FGFR2: variants seen among roughly 807,000 people sequenced by gnomAD.
FGFR2 encodes the protein fibroblast growth factor receptor 2, also known as BEK fibroblast growth factor receptor.
In FGFR2, 19 loss-of-function variants were observed where a neutral mutation model predicts 95.9. That is an observed-to-expected ratio of 0.20 (90% CI 0.14 to 0.29). FGFR2 has a LOEUF of 0.29. Among genes scored for constraint, FGFR2 ranks in the 10% least tolerant of loss-of-function variants. The pLI, the probability that FGFR2 is intolerant of heterozygous loss-of-function variation, is 1.00. For missense variants in FGFR2, 707 were observed against 1,056.9 expected (o/e 0.67, Z 4.59); for synonymous variants, 392 against 393.3 (o/e 1.00, Z 0.04).
At chr10:121,565,775 GT>G (rs758905304) in intron 2 of FGFR2, 71 bp from the exon 3 acceptor site, 2 of 1,577,562 alleles carry the variant, frequency 1.3e-6, no homozygotes, top group Non-Finnish European at 8.7e-7. Flanking sequence ...TCCAACAAAG[GT>G]CAGTGGAGGC....
intron 9 of FGFR2, among the ~76,000 whole-genome samples, chr10:121,507,708 A>G (rs1034475569): frequency 7.9e-5 from 12 of 152,206 alleles, no homozygotes; most frequent in Non-Finnish European, 1.5e-5. Context: ...AGCTCAGTTA[A>G]TGTCTGCTAC....
chr10:121,572,158 G>GAAAAAAAA (rs71022844), intron 2 of FGFR2, among the ~76,000 whole-genome samples: 1 of 105,848 alleles, frequency 9.4e-6, no homozygotes, highest in Non-Finnish European at 1.9e-5. Flanking sequence ...CACAAAAAAT[G>GAAAAAAAA]AAAAAAAAAA....
intron 9 of FGFR2, among the ~76,000 whole-genome samples, chr10:121,512,998 C>A (rs1419162854): frequency 6.6e-6 from 1 of 151,932 alleles, no homozygotes; most frequent in Non-Finnish European, 1.5e-5. Context: ...GCCTCCCAAG[C>A]AGCTGGGACT....
At chr10:121,513,035 A>G (rs1849260719) in intron 9 of FGFR2, among the ~76,000 whole-genome samples, 1 of 152,096 alleles carries the variant, frequency 6.6e-6, no homozygotes, top group Admixed American at 6.6e-5. Flanking sequence ...ACACCCAGCT[A>G]ATTTTTGTAC....
intron 6 of FGFR2, among the ~76,000 whole-genome samples, chr10:121,537,697 C>T (rs1853058383): frequency 1.7e-5 from 2 of 120,360 alleles, no homozygotes; most frequent in African/African-American, 6.6e-5. Context: ...AGATAGCAAC[C>T]TGTATTTAGG....
intron 11 of FGFR2, 92 bp downstream of exon 11, chr10:121,500,734 G>A (rs3135784): frequency 6.4e-6 from 10 of 1,562,382 alleles, no homozygotes; most frequent in African/African-American, 2.7e-5. Flanking sequence ...CTCTGACCCC[G>A]TGCCATGATA....
chr10:121,556,971 G>A (rs1298791172), intron 4 of FGFR2, among the ~76,000 whole-genome samples: 1 of 152,232 alleles, frequency 6.6e-6, no homozygotes. Flanking sequence ...TATAAACTAA[G>A]AGAAAACAAA....
chr10:121,550,559 C>T (rs977302551), intron 5 of FGFR2, among the ~76,000 whole-genome samples: 5 of 152,222 alleles, frequency 3.3e-5, no homozygotes, highest in Admixed American at 2.6e-4. Context: ...CCACTGTCAT[C>T]TCCACGCACT....
chr10:121,498,315 C>T (rs142907825), intron 12 of FGFR2, among the ~76,000 whole-genome samples, 180 bp downstream of exon 12: 209 of 152,318 alleles, frequency 1.4e-3, no homozygotes, highest in African/African-American at 4.8e-3. Flanking sequence ...CCCCCAGGTA[C>T]GGGCACAGAC....
At chr10:121,538,113 T>C in intron 6 of FGFR2, 1 of 565,074 alleles carries the variant, frequency 1.8e-6, no homozygotes, top group South Asian at 2.2e-5. Flanking sequence ...GACTTTCTTG[T>C]GATGGAAGTG....
At position 121,551,365 on chromosome 10, in the gene FGFR2, C is replaced by A. The variant is rs753750519; in HGVS notation, c.549G>T (p.Gly183=). 2 of 1,614,082 alleles carry A rather than the reference C, an allele frequency of 1.2e-6. No homozygotes were observed. The highest frequency in any genetic ancestry group is 1.7e-6 in the Non-Finnish European group (2 of 1,179,982). Residue 183 remains glycine, a synonymous_variant, in exon 5 of 18, where the codon GGG becomes GGT. Transcript: ENST00000358487. ...GCCACCGCATGGTTGGCATTGGGTT[C>A]CCCCCGGCTGGGCAGCGAAACTTGA... ...NTVKFRCPAG[G]NPMPTMRWLK...
At chr10:121,559,727 G>C (rs981155211) in intron 4 of FGFR2, among the ~76,000 whole-genome samples, 7 of 152,176 alleles carry the variant, frequency 4.6e-5, no homozygotes, top group Non-Finnish European at 1.0e-4. Context: ...CAAGGTGAAG[G>C]CATGGCAAGT....
intron 13 of FGFR2, among the ~76,000 whole-genome samples, chr10:121,491,596 C>T (rs935776259): frequency 2.0e-5 from 3 of 152,082 alleles, no homozygotes; most frequent in Admixed American, 6.5e-5. Flanking sequence ...TCAGGCTGAG[C>T]GTGGTGGCTC....
chr10:121,544,092 G>A (rs893786324), intron 5 of FGFR2, among the ~76,000 whole-genome samples: 1 of 152,132 alleles, frequency 6.6e-6, no homozygotes, highest in African/African-American at 2.4e-5. Context: ...TTGCTACAAT[G>A]GCTATTCACA....
chr10:121,522,242 C>T (rs1428631403), intron 6 of FGFR2, among the ~76,000 whole-genome samples: 1 of 152,334 alleles, frequency 6.6e-6, no homozygotes, highest in South Asian at 2.1e-4. Context: ...TCAACAACAA[C>T]GTATTGTACA....
intron 10 of FGFR2, among the ~76,000 whole-genome samples, chr10:121,503,234 C>T (rs1218378154): frequency 2.0e-5 from 3 of 152,218 alleles, no homozygotes; most frequent in African/African-American, 7.2e-5. Context: ...TTTGACTAAA[C>T]ATCTGATTGG....
intron 4 of FGFR2, among the ~76,000 whole-genome samples, chr10:121,554,409 G>T (rs1342689055): frequency 6.6e-6 from 1 of 150,962 alleles, no homozygotes; most frequent in Admixed American, 6.6e-5. Context: ...CGCGATCTTG[G>T]CTCACTGCAA....
chr10:121,557,071 A>G (rs1235232789), intron 4 of FGFR2, among the ~76,000 whole-genome samples: 1 of 152,234 alleles, frequency 6.6e-6, no homozygotes, highest in Non-Finnish European at 1.5e-5. Flanking sequence ...CTTGCTAACC[A>G]GCCAGGCATT....
At chr10:121,569,208 TC>T (rs2135176624) in intron 2 of FGFR2, among the ~76,000 whole-genome samples, 1 of 137,336 alleles carries the variant, frequency 7.3e-6, no homozygotes, top group African/African-American at 3.0e-5. Context: ...CTTTTTCTTT[TC>T]TTTTCTTTTC....
Sources: gnomAD v4.1 joint callset for allele counts (sites outside exome capture counted in the v4.1 genomes callset) on GRCh38, gnomAD v4.1.1 for gene constraint, MANE v1.5 for transcripts, NCBI Gene and HGNC (gene_info 2026-07-23, HGNC 2026-07-21) for gene names.